WWOX: variants seen among roughly 807,000 people sequenced by gnomAD.
WWOX encodes WW domain containing oxidoreductase, also known as WW domain-containing oxidoreductase.
WWOX carries 69 observed loss-of-function variants against 46.2 expected under a neutral mutation model. The observed-to-expected ratio is 1.49, with a 90% CI of 1.23 to 1.82. WWOX has a LOEUF of 1.82. Among genes scored for constraint, WWOX ranks in the 40% most tolerant of loss-of-function variants. The probability of loss-of-function intolerance (pLI) is 0.00; values close to 1 mark genes in which losing one functional copy is unlikely to be tolerated. For missense variants in WWOX, 919 were observed against 542.6 expected (o/e 1.69, Z -6.89); for synonymous variants, 359 against 202.6 (o/e 1.77, Z -6.56).
chr16:79,008,701 C>T (rs949494141), intron 8 of WWOX, among the ~76,000 whole-genome samples: 33 of 152,202 alleles, frequency 2.2e-4, no homozygotes, highest in Admixed American at 2.0e-3. Context: ...CCTTCACTCC[C>T]TCCAGCACCT....
At chr16:78,698,076 A>G (rs535458929) in intron 8 of WWOX, among the ~76,000 whole-genome samples, 40 of 152,272 alleles carry the variant, frequency 2.6e-4, no homozygotes, top group Non-Finnish European at 5.1e-4. Context: ...GTAAAGTGGT[A>G]TTATTGTTGT....
intron 5 of WWOX, among the ~76,000 whole-genome samples, chr16:78,176,942 T>C (rs1220424267): frequency 2.0e-5 from 3 of 152,234 alleles, no homozygotes; most frequent in African/African-American, 7.2e-5. Flanking sequence ...TACATGGTGC[T>C]ACTCAAAGCA....
intron 8 of WWOX, among the ~76,000 whole-genome samples, chr16:78,694,546 G>A (rs1048409325): frequency 2.6e-5 from 4 of 152,070 alleles, no homozygotes; most frequent in African/African-American, 9.7e-5. Context: ...TTTGCCTCTG[G>A]TAGCAGCCTG....
intron 5 of WWOX, among the ~76,000 whole-genome samples, chr16:78,292,209 G>T (rs866819851): frequency 1.3e-5 from 2 of 151,664 alleles, no homozygotes; most frequent in Admixed American, 6.6e-5. Flanking sequence ...TTCAGTTTCT[G>T]TCTCTCACCA....
intron 8 of WWOX, among the ~76,000 whole-genome samples, chr16:78,902,781 T>C (rs1362292114): frequency 6.6e-6 from 1 of 152,232 alleles, no homozygotes; most frequent in African/African-American, 2.4e-5. Flanking sequence ...AAAGTAAATC[T>C]GTTGTGCTTT....
chr16:78,974,732 C>T (rs8055295), intron 8 of WWOX, among the ~76,000 whole-genome samples: 5 of 151,908 alleles, frequency 3.3e-5, no homozygotes, highest in Non-Finnish European at 7.4e-5. Context: ...AACCCCAAGA[C>T]CCACACTTGG....
chr16:78,586,039 A>AAAC (rs200093003), intron 8 of WWOX, among the ~76,000 whole-genome samples: 2 of 151,922 alleles, frequency 1.3e-5, no homozygotes, highest in Non-Finnish European at 2.9e-5. Flanking sequence ...CTCTACCAAA[A>AAAC]AACAACAACA....
At chr16:78,977,145 T>C (rs1467572008) in intron 8 of WWOX, among the ~76,000 whole-genome samples, 3 of 152,218 alleles carry the variant, frequency 2.0e-5, no homozygotes, top group African/African-American at 7.2e-5. Context: ...ATATGTGGTA[T>C]CTCTGGTACC....
chr16:78,768,305 C>G (rs2049976878), intron 8 of WWOX, among the ~76,000 whole-genome samples: 1 of 69,982 alleles, frequency 1.4e-5, no homozygotes, highest in African/African-American at 4.2e-5. Flanking sequence ...AAAAAAGTTG[C>G]CTGGCTTGGT....
chr16:78,600,837 CTG>C (rs1469519532), intron 8 of WWOX, among the ~76,000 whole-genome samples: 1 of 152,152 alleles, frequency 6.6e-6, no homozygotes, highest in African/African-American at 2.4e-5. Context: ...TCAGATGTCA[CTG>C]TGCAGGTGAC....
chr16:79,055,237 G>A (rs1375082194), intron 8 of WWOX, among the ~76,000 whole-genome samples: 1 of 151,968 alleles, frequency 6.6e-6, no homozygotes, highest in Non-Finnish European at 1.5e-5. Context: ...GGTTTATATT[G>A]CTTAATTAGC....
intron 8 of WWOX, among the ~76,000 whole-genome samples, chr16:78,540,529 A>T (rs1264016351): frequency 1.3e-5 from 2 of 152,160 alleles, no homozygotes; most frequent in Admixed American, 6.5e-5. Context: ...CAGATAAACA[A>T]CATGTCATTT....
intron 8 of WWOX, among the ~76,000 whole-genome samples, chr16:79,059,944 C>T (rs773006815): frequency 6.6e-6 from 1 of 152,148 alleles, no homozygotes; most frequent in Admixed American, 6.5e-5. Flanking sequence ...TTTTGGTACA[C>T]TGAGAGGTCA....
At chr16:78,830,067 G>A (rs986898674) in intron 8 of WWOX, among the ~76,000 whole-genome samples, 1 of 151,824 alleles carries the variant, frequency 6.6e-6, no homozygotes, top group Admixed American at 6.6e-5. Flanking sequence ...AGACCAGCCT[G>A]GGTAACATAG....
chr16:78,393,853 A>C (rs1241251598), intron 6 of WWOX, among the ~76,000 whole-genome samples: 3 of 138,774 alleles, frequency 2.2e-5, no homozygotes, highest in Admixed American at 1.4e-4. Context: ...TTTTTAATTA[A>C]AAAAAAGGTT....
chr16:78,389,255 T>G (rs1156588044), intron 6 of WWOX, among the ~76,000 whole-genome samples: 2 of 152,238 alleles, frequency 1.3e-5, no homozygotes, highest in African/African-American at 4.8e-5. Flanking sequence ...TCAAGACATT[T>G]GTTCGCTGAT....
At chr16:79,031,820 A>G (rs903797088) in intron 8 of WWOX, among the ~76,000 whole-genome samples, 1 of 118,258 alleles carries the variant, frequency 8.5e-6, no homozygotes, top group African/African-American at 2.7e-5. Context: ...AATATATATA[A>G]TCTATATATG....
At chr16:78,316,062 A>G (rs1218877545) in intron 5 of WWOX, among the ~76,000 whole-genome samples, 2 of 151,990 alleles carry the variant, frequency 1.3e-5, no homozygotes, top group Non-Finnish European at 2.9e-5. Flanking sequence ...CCTGGCCCAC[A>G]TGGTGAAACC....
chr16:78,925,550 G>A (rs973753691), intron 8 of WWOX, among the ~76,000 whole-genome samples: 3 of 152,164 alleles, frequency 2.0e-5, no homozygotes, highest in African/African-American at 7.2e-5. Flanking sequence ...CTTTCCACTA[G>A]GGAGCTATTG....
Sources: allele counts gnomAD v4.1 joint callset (sites outside exome capture counted in the v4.1 genomes callset), GRCh38; gene constraint gnomAD v4.1.1; transcripts MANE v1.5; gene names NCBI Gene and HGNC (gene_info 2026-07-23, HGNC 2026-07-21).